The following SOX6 variants were observed in gnomAD, a reference collection of about 807,000 sequenced individuals.
The protein encoded by SOX6 is transcription factor SOX-6.
A neutral mutation model predicts 97.8 loss-of-function variants in SOX6; 11 were observed. That is an observed-to-expected ratio of 0.11 (90% CI 0.07 to 0.19). The LOEUF is 0.19. Ranked by LOEUF, SOX6 falls within the 10% of genes least tolerant of loss-of-function variation. SOX6 has a pLI of 1.00. For synonymous variants in SOX6, 360 were observed against 371.4 expected (o/e 0.97, Z 0.35); for missense variants, 810 against 1,039.5 (o/e 0.78, Z 3.04).
chr11:16,298,992 G>C (rs952672267), intron 3 of SOX6, among the ~76,000 whole-genome samples: 1 of 151,800 alleles, frequency 6.6e-6, no homozygotes, highest in East Asian at 1.9e-4. Flanking sequence ...AGAAATGGTG[G>C]GTATTAAACC....
intron 3 of SOX6, among the ~76,000 whole-genome samples, chr11:16,291,895 A>C (rs903131982): frequency 6.6e-6 from 1 of 152,042 alleles, no homozygotes; most frequent in African/African-American, 2.4e-5. Context: ...GTATGTGCAG[A>C]CTTAATATTG....
chr11:16,637,080 TA>T (rs918788752), intron 3 of SOX6, among the ~76,000 whole-genome samples: 47 of 152,306 alleles, frequency 3.1e-4, no homozygotes, highest in African/African-American at 1.1e-3. Flanking sequence ...GAAATTGGCC[TA>T]TTTTTTTTTG....
intron 6 of SOX6, among the ~76,000 whole-genome samples, chr11:16,123,611 CA>C (rs1221851420): frequency 6.6e-6 from 1 of 152,006 alleles, no homozygotes; most frequent in Non-Finnish European, 1.5e-5. Flanking sequence ...AAGCTAATGA[CA>C]TGCACAGTAA....
At chr11:16,076,927 G>C (rs1192335663) in intron 9 of SOX6, among the ~76,000 whole-genome samples, 1 of 150,960 alleles carries the variant, frequency 6.6e-6, no homozygotes, top group African/African-American at 2.4e-5. Context: ...CTAATTTTTT[G>C]TATTTTTAGT....
In SOX6 at chr11:16,046,698, A is replaced by G; in HGVS notation, c.1439T>C (p.Ile480Thr). The change falls in exon 12 of 16, where the codon ATC becomes ACC. Residue 480 changes from isoleucine (I) to threonine (T), a missense_variant. By Grantham distance (89) the Ile-to-Thr change is moderately conservative (BLOSUM62 -1). This residue lies in a region of SOX6 where 14 missense variants were observed against 36.0 expected (regional missense o/e 0.39). Transcript: ENST00000683767. ...GGCAGGGGAGTTGAGACTAGATAGG[A>G]TATCTGCATACACAGGATGCATTAT... ...GSLGRGSSLD[I>T]LSSLNSPALF... is the part of the protein sequence containing the mutation. 6.2e-7 allele frequency: 1 copy of G among 1,613,134 alleles called. No individual in the cohort carries two copies. The highest frequency in any genetic ancestry group is 8.5e-7 in the Non-Finnish European group (1 of 1,179,650).
At position 15,987,028 on chromosome 11, in the gene SOX6, C is replaced by T. The variant is rs540773328; in HGVS notation, c.1967-608G>A. Among the ~76,000 whole-genome samples, 7 of 152,298 alleles carry T rather than the reference C, an allele frequency of 4.6e-5. No homozygotes were observed. In the East Asian group the frequency reaches 7.7e-4, roughly 17 times the overall value. On this transcript the variant is annotated intron_variant, in intron 14 of 15. Transcript: ENST00000683767. ...ATATACCATTTTCAAGTACTATAAA[C>T]GCTCATTCAAAGCTGTACCAATAAA...
At chr11:16,025,054 A>C (rs977978867) in intron 12 of SOX6, among the ~76,000 whole-genome samples, 4 of 152,280 alleles carry the variant, frequency 2.6e-5, no homozygotes, top group Admixed American at 2.0e-4. Context: ...GAATTAAATT[A>C]GTTTCATCAG....
chr11:16,498,922 C>T (rs1261127787), intron 4 of SOX6, among the ~76,000 whole-genome samples: 2 of 152,038 alleles, frequency 1.3e-5, no homozygotes, highest in Non-Finnish European at 2.9e-5. Flanking sequence ...TTAACAAGCA[C>T]ATCCAGGAAT....
At chr11:16,139,626 G>A (rs1350383144) in intron 6 of SOX6, among the ~76,000 whole-genome samples, 8 of 151,564 alleles carry the variant, frequency 5.3e-5, no homozygotes, top group Non-Finnish European at 1.0e-4. Flanking sequence ...AAATATTCCA[G>A]ACTTATCTTG....
At chr11:16,271,450 G>C (rs1197512895) in intron 3 of SOX6, among the ~76,000 whole-genome samples, 1 of 151,380 alleles carries the variant, frequency 6.6e-6, no homozygotes, top group Non-Finnish European at 1.5e-5. Flanking sequence ...ACTATCTGGT[G>C]TTTGAAGATA....
At chr11:16,233,283 C>A (rs1055198855) in intron 4 of SOX6, among the ~76,000 whole-genome samples, 1 of 152,026 alleles carries the variant, frequency 6.6e-6, no homozygotes, top group Non-Finnish European at 1.5e-5. Context: ...AAAGTTGATG[C>A]GTGATCATGA....
intron 1 of SOX6, among the ~76,000 whole-genome samples, chr11:16,424,704 C>CTCTGTG (rs1224723920): frequency 9.9e-5 from 15 of 152,174 alleles, no homozygotes; most frequent in African/African-American, 3.6e-4. Flanking sequence ...GTGAGATACA[C>CTCTGTG]AAAGTTCCAT....
chr11:16,362,243 T>C (rs1282704586), intron 1 of SOX6, among the ~76,000 whole-genome samples: 2 of 152,036 alleles, frequency 1.3e-5, no homozygotes, highest in East Asian at 3.9e-4. Context: ...GAATGACGGG[T>C]TTCATCTCTC....
At chr11:16,311,111 C>G (rs1855588478) in intron 3 of SOX6, 1 of 152,012 alleles carries the variant, frequency 6.6e-6, no homozygotes, top group Admixed American at 6.6e-5. Flanking sequence ...TCCAAATAGC[C>G]TGAAAAGAGA....
intron 1 of SOX6, among the ~76,000 whole-genome samples, chr11:16,475,784 C>T (rs1456346392): frequency 6.6e-6 from 1 of 152,034 alleles, no homozygotes; most frequent in African/African-American, 2.4e-5. Flanking sequence ...TGCCATAAAC[C>T]TCTAATTTGC....
At chr11:16,174,097 C>T (rs1851117620) in intron 6 of SOX6, among the ~76,000 whole-genome samples, 1 of 147,768 alleles carries the variant, frequency 6.8e-6, no homozygotes, top group Admixed American at 6.9e-5. Flanking sequence ...CAAAAATGGG[C>T]TTTGCTATTA....
Position 16,265,623 on chromosome 11 carries a change from A to G in SOX6, c.446-30952T>C, listed in dbSNP as rs577638199. Among the ~76,000 whole-genome samples the G allele has an allele frequency of 2.0e-3, 308 of 152,050 alleles. 1 individual carries two copies. The highest frequency in any genetic ancestry group is 7.2e-3 in the African/African-American group (298 of 41,538). On this transcript the variant is annotated intron_variant, in intron 3 of 15. Transcript: ENST00000683767. ...GAGAACTATCAATCAAATGAAACTG[A>G]ACTAACGATGACAGAGATATTAAAA...
At chr11:16,320,293 G>A (rs1855878601) in intron 2 of SOX6, among the ~76,000 whole-genome samples, 1 of 152,022 alleles carries the variant, frequency 6.6e-6, no homozygotes, top group South Asian at 2.1e-4. Context: ...AGCCCAGTAA[G>A]AATCAAGAAC....
chr11:16,336,868 C>A (rs1856478082), intron 2 of SOX6, among the ~76,000 whole-genome samples: 1 of 152,102 alleles, frequency 6.6e-6, no homozygotes, highest in South Asian at 2.1e-4. Context: ...TGGGTGTCTT[C>A]CCCAAATCTT....
Sources: gnomAD v4.1 joint callset for allele counts (sites outside exome capture counted in the v4.1 genomes callset) on GRCh38, gnomAD v4.1.1 for gene constraint, gnomAD v4.1.1 regional missense constraint, MANE v1.5 for transcripts, NCBI Gene and HGNC (gene_info 2026-07-23, HGNC 2026-07-21) for gene names.